ULK4: variants seen among roughly 807,000 people sequenced by gnomAD.
The protein encoded by ULK4 is unc-51 like kinase 4.
Under a neutral mutation model 160.6 loss-of-function variants are expected in ULK4, and 133 were observed. That is an observed-to-expected ratio of 0.83 (90% CI 0.72 to 0.96). The LOEUF (loss-of-function observed/expected upper bound fraction) is 0.96, where lower values mean the gene tolerates loss of function less well. Ranked by LOEUF, ULK4 falls within the 40% of genes least tolerant of loss-of-function variation. ULK4 has a pLI of 0.00. For missense variants in ULK4, 1,580 were observed against 1,499.5 expected (o/e 1.05, Z -0.89); for synonymous variants, 534 against 539.8 (o/e 0.99, Z 0.15).
At chr3:41,683,272 A>G (rs1002276334) in intron 27 of ULK4, among the ~76,000 whole-genome samples, 1 of 151,912 alleles carries the variant, frequency 6.6e-6, no homozygotes, top group Non-Finnish European at 1.5e-5. Context: ...GGAGTGTACC[A>G]CCTCAGGAGG....
At chr3:41,906,228 A>AAAAAAAAAG (rs1698554679) in intron 12 of ULK4, among the ~76,000 whole-genome samples, 1 of 150,788 alleles carries the variant, frequency 6.6e-6, no homozygotes, top group East Asian at 1.9e-4. Flanking sequence ...AAAAAAAAAA[A>AAAAAAAAAG]AAAAAAAAAG....
intron 31 of ULK4, among the ~76,000 whole-genome samples, chr3:41,590,068 T>C (rs965546386): frequency 2.6e-5 from 4 of 151,882 alleles, no homozygotes; most frequent in Non-Finnish European, 4.4e-5. Context: ...AGTGGCGCGA[T>C]CTCGGCTCAC....
intron 17 of ULK4, among the ~76,000 whole-genome samples, chr3:41,870,929 G>C (rs1027058257): frequency 3.9e-5 from 6 of 152,106 alleles, no homozygotes; most frequent in African/African-American, 1.4e-4. Context: ...TGAATCATGG[G>C]GGTGGTTTCC....
At chr3:41,894,208 A>C (rs1698073805) in intron 16 of ULK4, among the ~76,000 whole-genome samples, 1 of 152,200 alleles carries the variant, frequency 6.6e-6, no homozygotes, top group Non-Finnish European at 1.5e-5. Flanking sequence ...CAAGGATATA[A>C]CACATTTTAA....
At chr3:41,550,022 G>A (rs1043848759) in intron 32 of ULK4, among the ~76,000 whole-genome samples, 2 of 151,942 alleles carry the variant, frequency 1.3e-5, no homozygotes, top group African/African-American at 4.8e-5. Context: ...AACTAAGAGA[G>A]CTCATCACCA....
At chr3:41,616,649 C>T (rs2032982826) in intron 30 of ULK4, among the ~76,000 whole-genome samples, 1 of 152,162 alleles carries the variant, frequency 6.6e-6, no homozygotes, top group African/African-American at 2.4e-5. Context: ...CAGGAGATTC[C>T]CTCGTGTGCC....
chr3:41,475,185 G>T (rs1047977039), intron 32 of ULK4, among the ~76,000 whole-genome samples: 2 of 152,184 alleles, frequency 1.3e-5, no homozygotes, highest in African/African-American at 2.4e-5. Flanking sequence ...TCTGTCATTT[G>T]TGACAACATG....
chr3:41,353,736 TACTACTAC>T (rs2080970156), intron 35 of ULK4, among the ~76,000 whole-genome samples: 1 of 147,214 alleles, frequency 6.8e-6, no homozygotes, highest in South Asian at 2.1e-4. Context: ...CTACTACTAC[TACTACTAC>T]TACTACTAAA....
At chr3:41,259,045 C>T (rs2078894535) in intron 35 of ULK4, among the ~76,000 whole-genome samples, 1 of 147,762 alleles carries the variant, frequency 6.8e-6, no homozygotes, top group African/African-American at 2.5e-5. Context: ...TACGTATACA[C>T]ACATATATGT....
At chr3:41,299,074 C>G (rs750732418) in intron 35 of ULK4, among the ~76,000 whole-genome samples, 16 of 152,152 alleles carry the variant, frequency 1.1e-4, no homozygotes, top group Non-Finnish European at 2.4e-4. Context: ...TCTGGGCTGG[C>G]CTTGTGACTT....
intron 18 of ULK4, among the ~76,000 whole-genome samples, chr3:41,828,847 A>G (rs1052742643): frequency 1.3e-5 from 2 of 152,160 alleles, no homozygotes; most frequent in African/African-American, 4.8e-5. Flanking sequence ...AGTCAATCCT[A>G]AGCCAAAAGA....
chr3:41,450,934 T>C (rs1293009452), intron 34 of ULK4, among the ~76,000 whole-genome samples: 5 of 152,182 alleles, frequency 3.3e-5, no homozygotes, highest in Admixed American at 6.5e-5. Context: ...CTAGCCAATA[T>C]ACTAGAACCT....
chr3:41,635,713 G>A (rs1017603283), intron 30 of ULK4, among the ~76,000 whole-genome samples: 2 of 152,056 alleles, frequency 1.3e-5, no homozygotes, highest in Non-Finnish European at 2.9e-5. Context: ...TTTTACAGAG[G>A]AAGACACTGA....
At chr3:41,407,158 A>G (rs1559577214) in intron 34 of ULK4, among the ~76,000 whole-genome samples, 1 of 152,218 alleles carries the variant, frequency 6.6e-6, no homozygotes, top group Non-Finnish European at 1.5e-5. Context: ...TAACCTGGGT[A>G]GCACATTATC....
intron 35 of ULK4, among the ~76,000 whole-genome samples, chr3:41,252,078 C>T (rs1419166153): frequency 6.6e-6 from 1 of 152,166 alleles, no homozygotes; most frequent in Non-Finnish European, 1.5e-5. Flanking sequence ...CACTGCAAAA[C>T]CTGTGAAACC....
intron 32 of ULK4, among the ~76,000 whole-genome samples, chr3:41,534,511 T>C (rs1242465500): frequency 1.5e-5 from 1 of 66,530 alleles, no homozygotes; most frequent in East Asian, 2.5e-4. Context: ...GAGAAAATGT[T>C]TAAGCAAAAA....
At chr3:41,456,990 T>C (rs1029834918) in intron 33 of ULK4, among the ~76,000 whole-genome samples, 7 of 152,216 alleles carry the variant, frequency 4.6e-5, no homozygotes, top group African/African-American at 7.2e-5. Flanking sequence ...GCTCGGAGCT[T>C]CCCTCTCACT....
chr3:41,836,546 G>A (rs1298094558), intron 17 of ULK4, among the ~76,000 whole-genome samples: 1 of 152,140 alleles, frequency 6.6e-6, no homozygotes, highest in Non-Finnish European at 1.5e-5. Context: ...TATCTTTAAA[G>A]AGTAAATAGA....
intron 30 of ULK4, among the ~76,000 whole-genome samples, chr3:41,619,860 A>T (rs1471721597): frequency 6.6e-6 from 1 of 152,154 alleles, no homozygotes; most frequent in Non-Finnish European, 1.5e-5. Context: ...AACAAAACAG[A>T]TGGAACACTA....
Sources: gnomAD v4.1 joint callset for allele counts (sites outside exome capture counted in the v4.1 genomes callset) on GRCh38, gnomAD v4.1.1 for gene constraint, MANE v1.5 for transcripts, NCBI Gene and HGNC (gene_info 2026-07-23, HGNC 2026-07-21) for gene names.